AHCTF1: variants seen among roughly 807,000 people sequenced by gnomAD.
The protein encoded by AHCTF1 is protein ELYS.
Under a neutral mutation model 248.4 loss-of-function variants are expected in AHCTF1, and 24 were observed. That is an observed-to-expected ratio of 0.10 (90% confidence interval 0.07 to 0.14). The LOEUF is 0.14. AHCTF1 is among the 10% of genes least tolerant of loss of function. AHCTF1 has a pLI of 1.00. For synonymous variants in AHCTF1, 786 were observed against 929.8 expected, an observed-to-expected ratio of 0.85 and a Z score of 2.81; for missense variants, 2,206 against 2,636.2, an observed-to-expected ratio of 0.84 and a Z score of 3.57.
Position 246,853,214 on chromosome 1 carries a change from C to T in AHCTF1, c.4440G>A (p.Gln1480=). 1 of 1,613,690 alleles carries T rather than the reference C, an allele frequency of 6.2e-7. No homozygotes were observed. The stretch of plus-strand genomic sequence containing the variant: ...CTTCTTTTAAGTTCAGCGCTACTTC[C>T]TGGTTAAGCCTGCGCTCAGAGACAA... The part of the protein sequence containing the change: ...GPIVSERRLN[Q]EVALNLKEDH... The change falls in exon 32 of 36, where the codon CAG becomes CAA. Residue 1480 remains glutamine, a synonymous_variant. Coordinates refer to ENST00000648844, the MANE Select transcript of AHCTF1 (RefSeq NM_001323342.2).
chr1:246,865,094 T>A (rs1210987680), intron 26 of AHCTF1, among the ~76,000 whole-genome samples: 2 of 152,228 alleles, frequency 1.3e-5, no homozygotes, highest in African/African-American at 2.4e-5. Flanking sequence ...TACAGATAAA[T>A]TTAAACTCAA....
chr1:246,852,961 A>ATTTT, intron 32 of AHCTF1, 130 bp downstream of exon 32: 1 of 663,230 alleles, frequency 1.5e-6, no homozygotes. Context: ...TTTTGAACCC[A>ATTTT]TATTTTTATA....
At chr1:246,865,762 G>A (rs61853998) in intron 26 of AHCTF1, among the ~76,000 whole-genome samples, 1 of 22,118 alleles carries the variant, frequency 4.5e-5, no homozygotes, top group Non-Finnish European at 6.5e-5. Flanking sequence ...TAAAGGTTCT[G>A]AGAAATCTTT....
At chr1:246,917,586 A>G (rs937734362) in intron 2 of AHCTF1, among the ~76,000 whole-genome samples, 8 of 152,226 alleles carry the variant, frequency 5.3e-5, no homozygotes, top group African/African-American at 1.7e-4. Context: ...GTCATCGTAC[A>G]ATGCCTGGCA....
rs73140260 is a variant in AHCTF1 at position 246,846,564 on chromosome 1, T to C, written c.6392-2636A>G. ...ATCCCAAGTTTCTTATCCCTTCCAA[T>C]CCCATCATCTCATTCTAGCAGGTGC... On this transcript the variant is annotated intron_variant, in intron 33 of 35. Transcript: ENST00000648844. 5.7e-3 allele frequency among the ~76,000 whole-genome samples: 866 copies of C among 152,060 alleles called. 9 individuals carry two copies. The highest frequency in any genetic ancestry group is 0.02 in the African/African-American group (821 of 41,466).
At chr1:246,874,954 CCTG>C (rs1399304095) in intron 24 of AHCTF1, among the ~76,000 whole-genome samples, 2 of 152,158 alleles carry the variant, frequency 1.3e-5, no homozygotes, top group African/African-American at 2.4e-5. Context: ...TTTACAGCCT[CCTG>C]CTATTTAGCC....
chr1:246,926,046 TAAA>T (rs35982364), intron 1 of AHCTF1, among the ~76,000 whole-genome samples: 18 of 121,238 alleles, frequency 1.5e-4, no homozygotes, highest in South Asian at 2.9e-4. Flanking sequence ...ACCCTGTCTT[TAAA>T]AAAAAAAAAA....
At chr1:246,854,940 C>A (rs1425308135) in intron 31 of AHCTF1, among the ~76,000 whole-genome samples, 2 of 136,284 alleles carry the variant, frequency 1.5e-5, no homozygotes, top group Admixed American at 7.5e-5. Context: ...TAATTATGGA[C>A]CCCTAAAATG....
chr1:246,839,739 G>A lies in AHCTF1; in HGVS notation c.*1067C>T, dbSNP rs184882761. ...AATAGTCCATTCATTACACACTATC[G>A]ATTACCTGTTATAAATTATTTTACA... On this transcript the variant is annotated 3_prime_UTR_variant, in exon 36 of 36. Transcript: ENST00000648844. 3.1e-3 allele frequency: 522 copies of A among 168,366 alleles called. 1 individual carries two copies. The highest frequency in any genetic ancestry group is 4.9e-3 in the Non-Finnish European group (402 of 82,402). 10.4% of individuals were successfully genotyped at this position (168,366 alleles called of 1,614,324 possible).
intron 4 of AHCTF1, among the ~76,000 whole-genome samples, chr1:246,911,954 G>A (rs1665834625): frequency 6.6e-6 from 1 of 150,960 alleles, no homozygotes; most frequent in African/African-American, 2.4e-5. Context: ...TTTTCTTTGA[G>A]ATGGATTCTT....
chr1:246,929,808 C>A (rs1452889890), intron 1 of AHCTF1, among the ~76,000 whole-genome samples: 1 of 152,220 alleles, frequency 6.6e-6, no homozygotes, highest in East Asian at 1.9e-4. Context: ...AATCCCAGCA[C>A]TCTGGGAGGC....
chr1:246,888,086 C>T (rs1218372890), intron 19 of AHCTF1, 91 bp downstream of exon 19: 4 of 1,415,100 alleles, frequency 2.8e-6, no homozygotes, highest in African/African-American at 2.9e-5. Context: ...CAAAATTCAA[C>T]CTTGCAATTA....
chr1:246,914,773 T>C (rs140610300), intron 3 of AHCTF1, among the ~76,000 whole-genome samples: 3 of 152,164 alleles, frequency 2.0e-5, no homozygotes, highest in Admixed American at 1.3e-4. Flanking sequence ...CTCTCTTCCA[T>C]ACACCAACCA....
At chr1:246,918,400 A>G in intron 1 of AHCTF1, 23 bp from the exon 2 acceptor site, 3 of 1,596,638 alleles carry the variant, frequency 1.9e-6, no homozygotes, top group Non-Finnish European at 2.6e-6. Flanking sequence ...TTAAAAGAAA[A>G]CATTATTATG....
intron 1 of AHCTF1, 24 bp from the exon 2 acceptor site, chr1:246,918,401 C>A: frequency 6.3e-7 from 1 of 1,593,662 alleles, no homozygotes; most frequent in Non-Finnish European, 8.6e-7. Context: ...TAAAAGAAAA[C>A]ATTATTATGA....
At chr1:246,869,130 ACC>A (rs1404784844) in intron 24 of AHCTF1, among the ~76,000 whole-genome samples, 2 of 151,882 alleles carry the variant, frequency 1.3e-5, no homozygotes, top group Non-Finnish European at 2.9e-5. Flanking sequence ...GGCGTGAGCC[ACC>A]ACGCCCGGCC....
chr1:246,857,736 A>T lies in AHCTF1; in HGVS notation c.4211T>A (p.Val1404Asp). 1 of 1,613,888 alleles carries T rather than the reference A, an allele frequency of 6.2e-7. No individual in the cohort carries two copies. ...AFSELNHLSP[V>D]QGTEASLCAP... ...ACAAAGAGAAGCTTCAGTTCCTTGA[A>T]CCGGGCTTAAGTGATTCAATTCTGA... The change falls in exon 30 of 36, where the codon GTT becomes GAT. Residue 1404 changes from valine (V) to aspartate (D), a missense_variant. By Grantham distance (152) the Val-to-Asp change is radical. This residue lies in a region of AHCTF1 where 955 missense variants were observed against 1,055.6 expected (regional missense o/e 0.90). Transcript: ENST00000648844.
chr1:246,916,367 A>G lies in AHCTF1; in HGVS notation c.150T>C (p.Cys50=), dbSNP rs1666144964. The part of the protein sequence containing the change: ...AGKNGLACLA[C]GPQLEVVNSI... ...AGTTTACTACCTCAAGTTGTGGACCACAAGCCAAGCAAGCAAGTCCATTTT... is the reference window on the plus strand; with the variant it reads ...AGTTTACTACCTCAAGTTGTGGACCGCAAGCCAAGCAAGCAAGTCCATTTT... The change falls in exon 3 of 36, where the codon TGT becomes TGC. Residue 50 remains cysteine, a synonymous_variant. Coordinates refer to ENST00000648844, the MANE Select transcript of AHCTF1 (RefSeq NM_001323342.2). The G allele has an allele frequency of 1.2e-6, 2 of 1,603,746 alleles. No homozygotes were observed. The highest frequency in any genetic ancestry group is 8.5e-7 in the Non-Finnish European group (1 of 1,176,838).
intron 33 of AHCTF1, 46 bp from the exon 34 acceptor site, chr1:246,843,974 G>T: frequency 2.5e-6 from 3 of 1,210,376 alleles, no homozygotes; most frequent in Non-Finnish European, 3.3e-6. Flanking sequence ...ATATATGTGT[G>T]TATATATATA....
Sources: gnomAD v4.1 joint callset for allele counts (sites outside exome capture counted in the v4.1 genomes callset) on GRCh38, gnomAD v4.1.1 for gene constraint, gnomAD v4.1.1 regional missense constraint, MANE v1.5 for transcripts, NCBI Gene and HGNC (gene_info 2026-07-23, HGNC 2026-07-21) for gene names.